The following COG8 variants were observed in gnomAD, a reference collection of about 807,000 sequenced individuals.
COG8 encodes component of oligomeric golgi complex 8, also known as conserved oligomeric Golgi complex subunit 8.
Under a neutral mutation model 46.5 loss-of-function variants are expected in COG8, and 45 were observed. The observed-to-expected ratio is 0.97, with a 90% CI of 0.76 to 1.24. The LOEUF (loss-of-function observed/expected upper bound fraction) is 1.24, where lower values mean the gene tolerates loss of function less well. Among genes scored for constraint, COG8 ranks in the 50% most tolerant of loss-of-function variants. The pLI, the probability that COG8 is intolerant of heterozygous loss-of-function variation, is 0.00. For missense variants in COG8, 793 were observed against 820.8 expected (o/e 0.97, Z 0.41); for synonymous variants, 407 against 347.8 (o/e 1.17, Z -1.90).
Position 69,330,854 on chromosome 16 carries a change from G to C in COG8, c.1824C>G (p.Pro608=). The change falls in exon 5 of 6, where the codon CCC becomes CCG. Residue 608 remains proline, a synonymous_variant. Coordinates refer to ENST00000306875, the MANE Select transcript of COG8 (RefSeq NM_032382.5). The part of the protein sequence containing the change: ...GGRAETQAEP[P]SVGP ...GGGACGCCGGCTAGGGCCCCACGCTGGGCGGTTCGGCCTGCGTCTCCGCTC... is the reference window on the plus strand; with the variant it reads ...GGGACGCCGGCTAGGGCCCCACGCTCGGCGGTTCGGCCTGCGTCTCCGCTC... 6.5e-7 allele frequency: 1 copy of C among 1,541,018 alleles called. No homozygotes were observed. Among genetic ancestry groups the C allele is most frequent in the Non-Finnish European group, 8.7e-7 (1 of 1,145,254 alleles).
rs2143283545 is a variant in COG8, at chr16:69,326,825, T to C, written c.*2381A>G. 1 of 152,380 alleles carries C rather than the reference T, an allele frequency of 6.6e-6. No homozygotes were observed. 9.4% of individuals were successfully genotyped at this position (152,380 alleles called of 1,614,324 possible). ...GGCTTTCACTGTGGAAGTTGATTTC[T>C]AAAACTCTGATGAGCTCACAACGTT... On this transcript the variant is annotated 3_prime_UTR_variant, in exon 6 of 6. Transcript: ENST00000306875.
intron 2 of COG8, 54 bp downstream of exon 2, chr16:69,336,451 G>A: frequency 6.4e-7 from 1 of 1,554,542 alleles, no homozygotes; most frequent in South Asian, 1.1e-5. Context: ...CCTGACCACA[G>A]AATAAATGAT....
chr16:69,329,303 T>A, intron 5 of COG8, 124 bp from the exon 6 acceptor site: 1 of 1,008,080 alleles, frequency 9.9e-7, no homozygotes, highest in Non-Finnish European at 1.4e-6. Flanking sequence ...ATGGCAAATG[T>A]AGACAGCAGC....
rs72795277 is a variant in COG8, at chr16:69,334,917, G to A, written c.1017C>T (p.Gly339=). 8.8e-4 allele frequency: 1,421 copies of A among 1,614,112 alleles called. No homozygotes were observed. The highest frequency in any genetic ancestry group is 1.1e-3 in the Non-Finnish European group (1,317 of 1,180,030). The change falls in exon 3 of 6, where the codon GGC becomes GGT. Residue 339 remains glycine, a synonymous_variant. Coordinates refer to ENST00000306875, the MANE Select transcript of COG8 (RefSeq NM_032382.5). ...GGCCCAGCAGAGAGTCCAGGTGGCC[G>A]CCTATGCCCCGGTAAAGGTCGGTCT... ...VLETDLYRGI[G]GHLDSLLGQC... is the part of the protein sequence containing the mutation.
rs1401321330 is a variant in COG8, at chr16:69,328,177, A to G, written c.*1029T>C. ...TGGCCAGGCTGGTCTTGAGCTCCTG[A>G]CCTCGTGATCCACCCGCCCCGCCCT... On this transcript the variant is annotated 3_prime_UTR_variant, in exon 6 of 6. Transcript: ENST00000306875. 1 of 152,196 alleles carries G rather than the reference A, an allele frequency of 6.6e-6. No individual in the cohort carries two copies. Among genetic ancestry groups the G allele is most frequent in the African/African-American group, 2.4e-5 (1 of 41,414 alleles). 9.4% of individuals were successfully genotyped at this position (152,196 alleles called of 1,614,324 possible). A position where few individuals can be genotyped will look rare whatever the true frequency, so the allele number is the denominator to read the frequency against.
chr16:69,333,220 G>C (rs1020437346), intron 3 of COG8, among the ~76,000 whole-genome samples: 4 of 150,160 alleles, frequency 2.7e-5, no homozygotes, highest in African/African-American at 9.8e-5. Flanking sequence ...CTAAGCTGGA[G>C]TGTAGCGGCA....
intron 5 of COG8, chr16:69,330,188 G>T (rs1421665561): frequency 6.1e-6 from 9 of 1,483,616 alleles, no homozygotes; most frequent in Non-Finnish European, 8.0e-6. Flanking sequence ...CAGCGCCTCG[G>T]GGAGCTCCAG....
At chr16:69,339,115 T>C in intron 1 of COG8, 61 bp downstream of exon 1, 1 of 1,610,418 alleles carries the variant, frequency 6.2e-7, no homozygotes, top group South Asian at 1.1e-5. Context: ...TAGTTATTTC[T>C]ACCATCGTAA....
rs1965599897 is a variant in COG8, at chr16:69,326,575, T to TA, written c.*2630dup. The TA allele has an allele frequency of 6.6e-6, 1 of 152,264 alleles. No individual in the cohort carries two copies. Among genetic ancestry groups the TA allele is most frequent in the African/African-American group, 2.4e-5 (1 of 41,460 alleles). 9.4% of individuals were successfully genotyped at this position (152,264 alleles called of 1,614,324 possible). A position where few individuals can be genotyped will look rare whatever the true frequency, so the allele number is the denominator to read the frequency against. On this transcript the variant is annotated 3_prime_UTR_variant, in exon 6 of 6. Transcript: ENST00000306875. ...CTATGGTCCATCCCTGTGCTCTAGTTAGAGCGTGAAGACACCTGACTTTCC... is the reference window on the plus strand; with the variant it reads ...CTATGGTCCATCCCTGTGCTCTAGTTAAGAGCGTGAAGACACCTGACTTTCC...
rs763882641 is a variant in COG8 at position 69,335,233 on chromosome 16, C to T, written c.701G>A (p.Arg234His). 13 of 1,613,842 alleles carry T rather than the reference C, an allele frequency of 8.1e-6. No homozygotes were observed. Among genetic ancestry groups the T allele is most frequent in the Middle Eastern group, 1.6e-4 (1 of 6,084 alleles). Residue 234 changes from arginine to histidine, a missense_variant, in exon 3 of 6, where the codon CGC (arginine) becomes CAC (histidine). Physicochemically the swap from Arg to His is conservative, Grantham distance 29. Coordinates refer to ENST00000306875, the MANE Select transcript of COG8 (RefSeq NM_032382.5). ...ACLRVIGYLR[R>H]MDVFTEAELR... ...CTCAGCCTCAGTGAAGACGTCCATG[C>T]GCCGCAGGTAGCCAATGACACGGAG...
rs765595480 is a variant in COG8, at chr16:69,339,233, A to C, written c.320T>G (p.Val107Gly). The change falls in exon 1 of 6, where the codon GTG becomes GGG. Residue 107 changes from valine to glycine, a missense_variant. Physicochemically the swap from Val to Gly is moderately radical, Grantham distance 109 (BLOSUM62 -3). Coordinates refer to ENST00000306875, the MANE Select transcript of COG8 (RefSeq NM_032382.5). ...GAGCAGGCGGCCGAGCGACGCCTCC[A>C]CGTCGCCAAACAGGCGGTGGATGCG... ...TERIHRLFGD[V>G]EASLGRLLDR... The C allele has an allele frequency of 1.2e-6, 2 of 1,612,662 alleles. No individual in the cohort carries two copies. Among genetic ancestry groups the C allele is most frequent in the African/African-American group, 2.7e-5 (2 of 74,938 alleles).
intron 5 of COG8, chr16:69,330,049 G>A (rs748996570): frequency 2.6e-6 from 4 of 1,551,756 alleles, no homozygotes; most frequent in Non-Finnish European, 2.6e-6. Context: ...AGCCGGCGAC[G>A]CTCTCGCAGC....
In COG8 at chr16:69,329,097, C is replaced by T. The variant is rs1170945989; in HGVS notation, c.*109G>A. The T allele has an allele frequency of 6.8e-6, 11 of 1,611,848 alleles. No individual in the cohort carries two copies. The highest frequency in any genetic ancestry group is 1.7e-5 in the Admixed American group (1 of 59,836). On this transcript the variant is annotated 3_prime_UTR_variant, in exon 6 of 6. Coordinates refer to ENST00000306875, the MANE Select transcript of COG8 (RefSeq NM_032382.5). ...TTTTGTCAATAAACAGGCAGCCCTG[C>T]AGGTGGTCCATCTCGTGCTGGATGA...
intron 4 of COG8, among the ~76,000 whole-genome samples, chr16:69,332,289 G>C (rs1365534894): frequency 6.6e-6 from 1 of 151,982 alleles, no homozygotes; most frequent in Non-Finnish European, 1.5e-5. Flanking sequence ...GGTGGAGGTT[G>C]CAGTGAGCCA....
In COG8 at chr16:69,339,280, GA is replaced by G; in HGVS notation, c.272del (p.Ile91ThrfsTer39). ...DLAFANYKTFIRGAECTERIH... is the reference protein window; with the variant it reads ...DLAFANYKTFXRGAECTERIH... Reference sequence around the variant, plus strand: ...TGCGCTCGGTGCACTCGGCGCCGCGGATGAAGGTCTTGTAGTTAGCGAAGGC... The same window carrying G: ...TGCGCTCGGTGCACTCGGCGCCGCGGTGAAGGTCTTGTAGTTAGCGAAGGC... On this transcript the variant is annotated frameshift_variant, in exon 1 of 6. Coordinates refer to ENST00000306875, the MANE Select transcript of COG8 (RefSeq NM_032382.5). LOFTEE classifies it high-confidence loss of function. 2 of 1,612,502 alleles carry G rather than the reference GA, an allele frequency of 1.2e-6. No homozygotes were observed. The highest frequency in any genetic ancestry group is 1.7e-6 in the Non-Finnish European group (2 of 1,179,738).
rs1425587048 is a variant in COG8, at chr16:69,328,326, CCTG to C, written c.*877_*879del. ...AAGTGTATAACCAGGAAGTACTAAT[CCTG>C]CTTTCTATGCCCAATTGTTAACAGG... On this transcript the variant is annotated 3_prime_UTR_variant, in exon 6 of 6. Transcript: ENST00000306875. 1 of 152,166 alleles carries C rather than the reference CCTG, an allele frequency of 6.6e-6. No individual in the cohort carries two copies. The highest frequency in any genetic ancestry group is 1.5e-5 in the Non-Finnish European group (1 of 68,058). 9.4% of individuals were successfully genotyped at this position (152,166 alleles called of 1,614,324 possible). A position where few individuals can be genotyped will look rare whatever the true frequency, so the allele number is the denominator to read the frequency against.
Position 69,339,166 on chromosome 16 carries a change from C to G in COG8, c.377+10G>C. Reference sequence around the variant, plus strand: ...GTTATAAAACCCCTTTAGCGCCAGGCGCGTCGCACCTGCAGCTCTGCTGGA... The same window carrying G: ...GTTATAAAACCCCTTTAGCGCCAGGGGCGTCGCACCTGCAGCTCTGCTGGA... On this transcript the variant is annotated intron_variant, in intron 1 of 5. Transcript: ENST00000306875. 6.2e-7 allele frequency: 1 copy of G among 1,612,936 alleles called. No individual in the cohort carries two copies. The highest frequency in any genetic ancestry group is 1.1e-5 in the South Asian group (1 of 91,088).
intron 3 of COG8, 140 bp downstream of exon 3, chr16:69,334,381 C>T (rs2012064584): frequency 2.6e-6 from 2 of 778,976 alleles, no homozygotes; most frequent in Non-Finnish European, 4.4e-6. Context: ...CAGAGCTTCT[C>T]AATCAGGAGA....
Position 69,334,736 on chromosome 16 carries a change from T to G in COG8, c.1198A>C (p.Ile400Leu), listed in dbSNP as rs1301624199. Reference protein sequence around the residue: ...FQEEMNSYMLISAPAILGTSN... With the variant: ...FQEEMNSYMLLSAPAILGTSN... ...GTGCCCAGGATGGCTGGAGCCGAGA[T>G]GAGCATGTAGGAGTTCATTTCTTCC... The change falls in exon 3 of 6, where the codon ATC becomes CTC. Residue 400 changes from isoleucine to leucine, a missense_variant. By Grantham distance (5) the Ile-to-Leu change is conservative. Transcript: ENST00000306875. 1.2e-5 allele frequency: 20 copies of G among 1,614,146 alleles called. No homozygotes were observed. Among genetic ancestry groups the G allele is most frequent in the Non-Finnish European group, 1.4e-5 (17 of 1,180,012 alleles).
Sources: gnomAD v4.1 joint callset for allele counts (sites outside exome capture counted in the v4.1 genomes callset) on GRCh38, gnomAD v4.1.1 for gene constraint, MANE v1.5 for transcripts, NCBI Gene and HGNC (gene_info 2026-07-23, HGNC 2026-07-21) for gene names.